P2RY14: variants seen among roughly 807,000 people sequenced by gnomAD.
P2RY14 encodes purinergic receptor P2Y14, also known as P2Y purinoceptor 14.
In P2RY14, 2 loss-of-function variants were observed where a neutral mutation model predicts 0.9. That is an observed-to-expected ratio of 2.16 (90% CI 0.88 to 6.79). The LOEUF is 6.79. P2RY14 is among the 30% of genes most tolerant of loss of function. P2RY14 has a pLI of 0.05. For synonymous variants in P2RY14, 158 were observed against 147.2 expected (o/e 1.07, Z -0.53); for missense variants, 378 against 400.1 (o/e 0.94, Z 0.47).
At position 151,234,975 on chromosome 3, in the gene P2RY14, C is replaced by T. The variant is rs114911189; in HGVS notation, c.-132-15333G>A. 2.9e-3 allele frequency among the ~76,000 whole-genome samples: 436 copies of T among 152,276 alleles called. 3 individuals carry two copies. The highest frequency in any genetic ancestry group is 0.01 in the African/African-American group (420 of 41,570). Reference sequence around the variant, plus strand: ...CTTCTATCTCTTCTATTTCTAACCACGTCATGGACGTGGTTAACTTGTAGA... The same window carrying T: ...CTTCTATCTCTTCTATTTCTAACCATGTCATGGACGTGGTTAACTTGTAGA... On this transcript the variant is annotated intron_variant, in intron 1 of 2. Transcript: ENST00000309170.
At chr3:151,273,551 C>T (rs1170186379) in intron 1 of P2RY14, among the ~76,000 whole-genome samples, 1 of 151,794 alleles carries the variant, frequency 6.6e-6, no homozygotes, top group African/African-American at 2.4e-5. Context: ...TGATTGTGTT[C>T]TTATGCCAAT....
At chr3:151,255,457 G>A (rs1737644440) in intron 1 of P2RY14, among the ~76,000 whole-genome samples, 3 of 151,800 alleles carry the variant, frequency 2.0e-5, no homozygotes, top group African/African-American at 7.3e-5. Context: ...GGGGGAGGGG[G>A]CTGGGGGTGC....
At chr3:151,224,956 G>A (rs1730192916) in intron 1 of P2RY14, among the ~76,000 whole-genome samples, 1 of 152,106 alleles carries the variant, frequency 6.6e-6, no homozygotes, top group East Asian at 1.9e-4. Context: ...TACATTTTAT[G>A]TTACTAAAAT....
chr3:151,242,524 C>A (rs1223514859), intron 1 of P2RY14, among the ~76,000 whole-genome samples: 1 of 151,824 alleles, frequency 6.6e-6, no homozygotes, highest in African/African-American at 2.4e-5. Flanking sequence ...CCTCACACAG[C>A]AGGGTATTCC....
At chr3:151,248,143 T>C (rs1289553456) in intron 1 of P2RY14, among the ~76,000 whole-genome samples, 1 of 151,998 alleles carries the variant, frequency 6.6e-6, no homozygotes, top group East Asian at 1.9e-4. Context: ...AAAAATGCTA[T>C]GAATGTTTGT....
At chr3:151,229,305 C>CTTT (rs35097589) in intron 1 of P2RY14, among the ~76,000 whole-genome samples, 11 of 112,512 alleles carry the variant, frequency 9.8e-5, no homozygotes, top group African/African-American at 1.8e-4. Context: ...TTCAGCAATT[C>CTTT]TTTTTTTTTT....
chr3:151,271,338 A>G (rs1740903778), intron 1 of P2RY14, among the ~76,000 whole-genome samples: 1 of 152,312 alleles, frequency 6.6e-6, no homozygotes, highest in African/African-American at 2.4e-5. Context: ...ATTAGAATGG[A>G]AAAAAACTTG....
At chr3:151,249,045 C>T (rs1031369059) in intron 1 of P2RY14, 11 of 152,200 alleles carry the variant, frequency 7.2e-5, no homozygotes, top group African/African-American at 2.4e-4. Context: ...ATTGACATCT[C>T]GCCAAATGCT....
At chr3:151,224,110 T>A (rs535221923) in intron 1 of P2RY14, among the ~76,000 whole-genome samples, 1 of 150,418 alleles carries the variant, frequency 6.6e-6, no homozygotes, top group South Asian at 2.1e-4. Context: ...TTTAAATTAT[T>A]TCATAATTAG....
chr3:151,213,504 T>A lies in P2RY14; in HGVS notation c.813A>T (p.Glu271Asp). The change falls in exon 3 of 3, where the codon GAA (glutamate) becomes GAT (aspartate). Residue 271 changes from glutamate (E) to aspartate (D), a missense_variant. By Grantham distance (45) the Glu-to-Asp change is conservative (BLOSUM62 2). Coordinates refer to ENST00000309170, the MANE Select transcript of P2RY14 (RefSeq NM_014879.4). The stretch of plus-strand genomic sequence containing the variant: ...TGAATTCTTTCATATACCGCAAGAT[T>A]TCTTTTGACTGGCAGCTGTAATGAG... ...TEAHYSCQSK[E>D]ILRYMKEFTL... 6.2e-7 allele frequency: 1 copy of A among 1,614,150 alleles called. No homozygotes were observed. Among genetic ancestry groups the A allele is most frequent in the Non-Finnish European group, 8.5e-7 (1 of 1,179,994 alleles).
chr3:151,267,918 A>G (rs531470868), intron 1 of P2RY14, among the ~76,000 whole-genome samples: 11 of 152,314 alleles, frequency 7.2e-5, no homozygotes, highest in Non-Finnish European at 1.3e-4. Context: ...AGAGTATTTT[A>G]TCAGTTGCTA....
chr3:151,269,003 A>G (rs1341922338), intron 1 of P2RY14, among the ~76,000 whole-genome samples: 1 of 152,178 alleles, frequency 6.6e-6, no homozygotes, highest in Non-Finnish European at 1.5e-5. Context: ...GTGACCCCCA[A>G]AACCAAGACT....
At chr3:151,226,447 C>A (rs1227131343) in intron 1 of P2RY14, among the ~76,000 whole-genome samples, 1 of 152,110 alleles carries the variant, frequency 6.6e-6, no homozygotes, top group East Asian at 1.9e-4. Context: ...TCAAAGGGCA[C>A]CTAACACATA....
chr3:151,230,466 T>G (rs917228132), intron 1 of P2RY14, among the ~76,000 whole-genome samples: 7 of 152,204 alleles, frequency 4.6e-5, no homozygotes. Flanking sequence ...GTAAAAAAAT[T>G]CTGATAAACA....
chr3:151,226,614 T>G (rs940288470), intron 1 of P2RY14, among the ~76,000 whole-genome samples: 2 of 152,004 alleles, frequency 1.3e-5, no homozygotes, highest in Non-Finnish European at 2.9e-5. Context: ...CAGCCAGTGT[T>G]TTTTTTTCAA....
At chr3:151,251,859 C>T (rs950743756) in intron 1 of P2RY14, among the ~76,000 whole-genome samples, 4 of 152,166 alleles carry the variant, frequency 2.6e-5, no homozygotes, top group Non-Finnish European at 5.9e-5. Flanking sequence ...TATCCACATG[C>T]CACCTGATCT....
chr3:151,225,579 A>G (rs553210105), intron 1 of P2RY14, among the ~76,000 whole-genome samples: 1 of 152,284 alleles, frequency 6.6e-6, no homozygotes, highest in South Asian at 2.1e-4. Flanking sequence ...ATCAATTTCA[A>G]ATGAATTTTG....
intron 1 of P2RY14, among the ~76,000 whole-genome samples, chr3:151,238,075 C>T (rs1293434308): frequency 1.3e-5 from 2 of 152,154 alleles, no homozygotes; most frequent in African/African-American, 4.8e-5. Context: ...TCTTTTCTAA[C>T]TAGTGCTTTT....
Position 151,213,310 on chromosome 3 carries a change from T to C in P2RY14, c.1007A>G (p.Asp336Gly). 6.2e-7 allele frequency: 1 copy of C among 1,605,906 alleles called. No individual in the cohort carries two copies. Among genetic ancestry groups the C allele is most frequent in the Non-Finnish European group, 8.5e-7 (1 of 1,176,844 alleles). ...GAAGAGGGTAGGAACTCACAAAGTATCTGTGCTTTCAAGTGTTGTATTTCC... is the reference window on the plus strand; with the variant it reads ...GAAGAGGGTAGGAACTCACAAAGTACCTGTGCTTTCAAGTGTTGTATTTCC... ...KRGNTTLEST[D>G]TL Residue 336 changes from aspartate to glycine, a missense_variant, in exon 3 of 3, where the codon GAT becomes GGT. By Grantham distance (94) the Asp-to-Gly change is moderately conservative. Transcript: ENST00000309170.
Sources: allele counts gnomAD v4.1 joint callset (sites outside exome capture counted in the v4.1 genomes callset), GRCh38; gene constraint gnomAD v4.1.1; transcripts MANE v1.5; gene names NCBI Gene and HGNC (gene_info 2026-07-23, HGNC 2026-07-21).